Variants in DYDC2 observed in about 807,000 individuals in gnomAD.
The protein encoded by DYDC2 is DPY30 domain containing 2.
A neutral mutation model predicts 18.7 loss-of-function variants in DYDC2; 19 were observed. The ratio of observed to expected loss-of-function variants is 1.02; its 90% CI spans 0.71 to 1.49. The LOEUF (loss-of-function observed/expected upper bound fraction) is 1.49. DYDC2 is among the 40% of genes most tolerant of loss of function. DYDC2 has a pLI of 0.00. For synonymous variants in DYDC2, 63 were observed against 67.6 expected, an observed-to-expected ratio of 0.93 and a Z score of 0.34; for missense variants, 179 against 205.1, an observed-to-expected ratio of 0.87 and a Z score of 0.78.
At chr10:80,358,867 A>G (rs758905813) in intron 2 of DYDC2, among the ~76,000 whole-genome samples, 1 of 152,052 alleles carries the variant, frequency 6.6e-6, no homozygotes, top group African/African-American at 2.4e-5. Flanking sequence ...GTTCCTTTTG[A>G]TGTTCGGATG....
chr10:80,352,697 T>C (rs1843077236), upstream of DYDC2: 1 of 1,425,776 alleles, frequency 7.0e-7, no homozygotes, highest in Non-Finnish European at 9.2e-7. Flanking sequence ...AACAAAGCCT[T>C]ACATACACCC....
At chr10:80,351,059 T>C (rs1177676796) in intron 1 of DYDC2, among the ~76,000 whole-genome samples, 1 of 152,198 alleles carries the variant, frequency 6.6e-6, no homozygotes, top group East Asian at 1.9e-4. Context: ...TACCAAGTAA[T>C]GCTAAATTAT....
At chr10:80,359,000 G>C (rs186029772) in intron 2 of DYDC2, among the ~76,000 whole-genome samples, 1 of 152,310 alleles carries the variant, frequency 6.6e-6, no homozygotes, top group African/African-American at 2.4e-5. Context: ...GCAGCAGCAA[G>C]ATTTACTACA....
At chr10:80,355,669 C>G (rs12218900), upstream of DYDC2, among the ~76,000 whole-genome samples, 6 of 152,172 alleles carry the variant, frequency 3.9e-5, 1 homozygote, top group Admixed American at 3.9e-4. Flanking sequence ...AGAGTGATCT[C>G]TAAGACACAG....
intron 1 of DYDC2, among the ~76,000 whole-genome samples, chr10:80,346,055 C>G (rs1030235061): frequency 6.6e-6 from 1 of 152,106 alleles, no homozygotes; most frequent in Non-Finnish European, 1.5e-5. Context: ...CCTATGTTGC[C>G]CAAGCTGGTC....
upstream of DYDC2, chr10:80,352,733 T>A: frequency 3.3e-6 from 4 of 1,194,668 alleles, no homozygotes; most frequent in Non-Finnish European, 4.3e-6. Flanking sequence ...ACACCTCCCA[T>A]TGGGGGTGTC....
At chr10:80,355,998 A>G (rs1843344651), upstream of DYDC2, among the ~76,000 whole-genome samples, 1 of 151,854 alleles carries the variant, frequency 6.6e-6, no homozygotes, top group Non-Finnish European at 1.5e-5. Flanking sequence ...AAAAAAAAAA[A>G]AAAAAAAGGT....
chr10:80,365,737 G>A (rs959440097), intron 4 of DYDC2, among the ~76,000 whole-genome samples: 2 of 152,204 alleles, frequency 1.3e-5, no homozygotes, highest in Admixed American at 6.5e-5. Context: ...TTCCTGTGTG[G>A]TTCAGTTTGG....
chr10:80,363,217 A>G, intron 4 of DYDC2, 144 bp downstream of exon 4: 1 of 690,140 alleles, frequency 1.4e-6, no homozygotes, highest in Non-Finnish European at 2.2e-6. Flanking sequence ...GTATTCACAT[A>G]TTTGCATATA....
In DYDC2 at chr10:80,367,010, G is replaced by A; in HGVS notation, c.*59G>A. On this transcript the variant is annotated 3_prime_UTR_variant, in exon 5 of 5. Coordinates refer to ENST00000256039, the MANE Select transcript of DYDC2 (RefSeq NM_032372.6). Reference sequence around the variant, plus strand: ...CTCAAAGCTAGAAGCCAAGAAAATGGCCAGCTAGAACCAAGATTTAAGGGG... The same window carrying A: ...CTCAAAGCTAGAAGCCAAGAAAATGACCAGCTAGAACCAAGATTTAAGGGG... 1 of 1,547,164 alleles carries A rather than the reference G, an allele frequency of 6.5e-7. No homozygotes were observed. The highest frequency in any genetic ancestry group is 2.0e-4 in the Middle Eastern group (1 of 4,994).
rs1389657978 is a variant in DYDC2, at chr10:80,347,324, C to T, written c.-310+2509C>T. Among the ~76,000 whole-genome samples the T allele has an allele frequency of 4.1e-4, 19 of 46,424 alleles. 1 individual carries two copies. Among genetic ancestry groups the T allele is most frequent in the Non-Finnish European group, 6.6e-4 (17 of 25,782 alleles). The allele number at this position is 46,424 out of a possible 152,430, so 30.5% of individuals were successfully genotyped here. ...TTTTTTTGCTATTGAGTTTGCATTC[C>T]TTATATATTTTGGAGATTAACTCCT... On this transcript the variant is annotated intron_variant, in intron 1 of 4. Transcript: ENST00000372197.
chr10:80,358,954 T>TA (rs772390866), intron 2 of DYDC2, among the ~76,000 whole-genome samples: 21 of 152,182 alleles, frequency 1.4e-4, no homozygotes, highest in Admixed American at 5.2e-4. Context: ...CAGTGAGTGT[T>TA]ACAGCTCATA....
chr10:80,366,945 T>C lies in DYDC2; in HGVS notation c.528T>C (p.Pro176=). Residue 176 remains proline, a synonymous_variant, in exon 5 of 5, where the codon CCT becomes CCC. Transcript: ENST00000256039. ...AAATGCCTCCTGGCTCCAAATCTCC[T>C]TTTTAGGTTACAGAAGGTAGATGCT... is the stretch of plus-strand genomic sequence containing the variant. ...AHEMPPGSKS[P]F 6.2e-7 allele frequency: 1 copy of C among 1,611,532 alleles called. No homozygotes were observed. The highest frequency in any genetic ancestry group is 8.5e-7 in the Non-Finnish European group (1 of 1,179,050).
At chr10:80,356,557 T>C (rs1412080459), upstream of DYDC2, 1 of 985,344 alleles carries the variant, frequency 1.0e-6, no homozygotes, top group Non-Finnish European at 1.2e-6. Flanking sequence ...CTGGCCGCTT[T>C]CGGGAGCCCC....
chr10:80,366,819 ACAGGTTCCTCCTT>A lies in DYDC2; in HGVS notation c.406_418del (p.Val136SerfsTer16). 1 of 1,614,226 alleles carries A rather than the reference ACAGGTTCCTCCTT, an allele frequency of 6.2e-7. No individual in the cohort carries two copies. Among genetic ancestry groups the A allele is most frequent in the Middle Eastern group, 1.6e-4 (1 of 6,062 alleles). Reference sequence around the variant, plus strand: ...CCAGTCTGATTCCAGGAATGCCTCAACAGGTTCCTCCTTCAGAGTCTGCTGGCCAGATTGACCA... The same window carrying A: ...CCAGTCTGATTCCAGGAATGCCTCAACAGAGTCTGCTGGCCAGATTGACCA... On this transcript the variant is annotated frameshift_variant, in exon 5 of 5. Transcript: ENST00000256039. LOFTEE classifies it high-confidence loss of function.
At chr10:80,359,256 G>A (rs1183595279) in intron 2 of DYDC2, among the ~76,000 whole-genome samples, 1 of 152,162 alleles carries the variant, frequency 6.6e-6, no homozygotes, top group Non-Finnish European at 1.5e-5. Flanking sequence ...CACTAGATTA[G>A]CTAGACACAG....
At position 80,366,742 on chromosome 10, in the gene DYDC2, AC is replaced by A; in HGVS notation, c.326del (p.Thr109LysfsTer9). 1 of 1,614,104 alleles carries A rather than the reference AC, an allele frequency of 6.2e-7. No homozygotes were observed. Among genetic ancestry groups the A allele is most frequent in the Non-Finnish European group, 8.5e-7 (1 of 1,179,982 alleles). On this transcript the variant is annotated frameshift_variant, in exon 5 of 5. Transcript: ENST00000256039. LOFTEE classifies it high-confidence loss of function. ...GAAGACCATATTCATGCAGGAGGAC[AC>A]AAACCCCCTTGAGAAGGAGGCCTTG... ...TKKTIFMQED[T>X]NPLEKEALKQ...
upstream of DYDC2, chr10:80,356,767 A>G: frequency 1.0e-6 from 1 of 985,514 alleles, no homozygotes; most frequent in African/African-American, 1.7e-5. Context: ...CCAGGCAACG[A>G]GAGCTCGCGC....
In DYDC2 at chr10:80,367,102, C is replaced by T. The variant is rs1843861463; in HGVS notation, c.*151C>T. On this transcript the variant is annotated 3_prime_UTR_variant, in exon 5 of 5. Transcript: ENST00000256039. ...TCTGAAAAACCCTTAATCATGTGAA[C>T]ATTTGAACTAGTTATAGGATAAAAT... is the stretch of plus-strand genomic sequence containing the variant. The T allele has an allele frequency of 4.6e-6, 4 of 871,340 alleles. No homozygotes were observed. Among genetic ancestry groups the T allele is most frequent in the South Asian group, 3.6e-5 (2 of 56,276 alleles). 54.0% of individuals were successfully genotyped at this position (871,340 alleles called of 1,614,324 possible). A position where few individuals can be genotyped will look rare whatever the true frequency, so the allele number is the denominator to read the frequency against.
Sources: gnomAD v4.1 joint callset for allele counts (sites outside exome capture counted in the v4.1 genomes callset) on GRCh38, gnomAD v4.1.1 for gene constraint, MANE v1.5 for transcripts, NCBI Gene and HGNC (gene_info 2026-07-23, HGNC 2026-07-21) for gene names.